RNF157: variants seen among roughly 807,000 people sequenced by gnomAD.
RNF157 encodes the protein ring finger protein 157, also known as E3 ubiquitin ligase RNF157.
RNF157 carries 55 observed loss-of-function variants against 88.3 expected under a neutral mutation model. The observed-to-expected ratio is 0.62, with a 90% CI of 0.50 to 0.78. RNF157 has a LOEUF of 0.78. RNF157 is among the 30% of genes least tolerant of loss of function. The probability of loss-of-function intolerance (pLI) is 0.00; values close to 1 mark genes in which losing one functional copy is unlikely to be tolerated. For missense variants in RNF157, 788 were observed against 860.8 expected (o/e 0.92, Z 1.06); for synonymous variants, 334 against 341.2 (o/e 0.98, Z 0.23).
rs540750995 is a variant in RNF157 at position 76,160,349 on chromosome 17, T to C, written c.1066-776A>G. Among the ~76,000 whole-genome samples the C allele has an allele frequency of 4.6e-5, 7 of 151,200 alleles. No individual in the cohort carries two copies. Among genetic ancestry groups the C allele is most frequent in the Non-Finnish European group, 7.4e-5 (5 of 67,936 alleles). ...ATGAGGTATAAATGTTTTTAAGGCC[T>C]TGATATATACTGCTGTTTTCTGCTG... On this transcript the variant is annotated intron_variant, in intron 11 of 18. Transcript: ENST00000269391. This position sits in a 1 kb window ranked among gnomAD's most constrained non-coding sequence, Gnocchi z 4.3.
In RNF157 at chr17:76,155,268, C is replaced by T. The variant is rs755672979; in HGVS notation, c.1748G>A (p.Gly583Glu). Reference protein sequence around the residue: ...PDSNFAGLPAGEQDAEGNDVI... With the variant: ...PDSNFAGLPAEEQDAEGNDVI... ...TGGGGTTACCTCTGCATCCTGCTCT[C>T]CAGCTGGGAGGCCAGCAAAGTTGCT... The change falls in exon 16 of 19, where the codon GGA becomes GAA. Residue 583 changes from glycine to glutamate, a missense_variant. Physicochemically the swap from Gly to Glu is moderately conservative, Grantham distance 98 (BLOSUM62 -2). Transcript: ENST00000269391. 4.3e-6 allele frequency: 7 copies of T among 1,614,108 alleles called. No individual in the cohort carries two copies. The highest frequency in any genetic ancestry group is 1.3e-5 in the African/African-American group (1 of 74,948).
chr17:76,240,105 C>G lies in RNF157; in HGVS notation c.88+48G>C, dbSNP rs2070353704. 2 of 1,162,244 alleles carry G rather than the reference C, an allele frequency of 1.7e-6. No homozygotes were observed. The highest frequency in any genetic ancestry group is 2.2e-6 in the Non-Finnish European group (2 of 913,288). The allele number at this position is 1,162,244 out of a possible 1,614,324, so 72.0% of individuals were successfully genotyped here. On this transcript the variant is annotated intron_variant, in intron 1 of 18. Coordinates refer to ENST00000269391, the MANE Select transcript of RNF157 (RefSeq NM_052916.3). The surrounding 1 kb of genome is among the most constrained non-coding windows in gnomAD (Gnocchi z 4.4). ...CAGGCCGTCCCGACCCAGACCCCTG[C>G]CCCTGCCCCTCTCCCTCCTCGCGGC...
intron 1 of RNF157, chr17:76,225,708 C>T (rs575228887): frequency 2.9e-6 from 4 of 1,395,940 alleles, no homozygotes; most frequent in East Asian, 4.8e-5. Context: ...CTACAGCAGA[C>T]ACTCTATGTA....
intron 3 of RNF157, among the ~76,000 whole-genome samples, chr17:76,170,962 G>A (rs1383739254): frequency 6.6e-6 from 1 of 152,002 alleles, no homozygotes; most frequent in Admixed American, 6.6e-5. Flanking sequence ...GCACAATCTC[G>A]CCTCACTGCA....
chr17:76,174,233 G>A (rs181304493), intron 2 of RNF157, among the ~76,000 whole-genome samples: 76 of 152,232 alleles, frequency 5.0e-4, no homozygotes, highest in African/African-American at 1.7e-3. Context: ...TTTAGGGACC[G>A]CAAATAAAAG....
chr17:76,173,969 G>A (rs1225853963), intron 2 of RNF157, among the ~76,000 whole-genome samples, 179 bp from the exon 3 acceptor site: 1 of 152,114 alleles, frequency 6.6e-6, no homozygotes, highest in Admixed American at 6.5e-5. Flanking sequence ...GTCACAGCTA[G>A]CGGGAAAACT....
intron 18 of RNF157, among the ~76,000 whole-genome samples, chr17:76,150,807 C>T (rs1026736444): frequency 3.3e-5 from 5 of 152,232 alleles, no homozygotes; most frequent in African/African-American, 1.2e-4. Context: ...GAATGGGAGC[C>T]TTGCTCACAG....
rs529791313 is a variant in RNF157, at chr17:76,145,221, G to A, written c.*14C>T. 23 of 1,536,408 alleles carry A rather than the reference G, an allele frequency of 1.5e-5. No homozygotes were observed. In the East Asian group the frequency reaches 4.5e-4, roughly 30 times the overall value. ...TGCAGGGCAGGAGGGGAGCCCAAGT[G>A]CAGAGGCTGGGGCTCAGACAGCCAA... is the stretch of plus-strand genomic sequence containing the variant. On this transcript the variant is annotated 3_prime_UTR_variant, in exon 19 of 19. Coordinates refer to ENST00000269391, the MANE Select transcript of RNF157 (RefSeq NM_052916.3).
chr17:76,182,132 G>C (rs928008662), intron 2 of RNF157, among the ~76,000 whole-genome samples: 5 of 152,216 alleles, frequency 3.3e-5, no homozygotes, highest in Middle Eastern at 3.4e-3. Flanking sequence ...CTGGGCTGCT[G>C]TGTCTGTCCT....
intron 2 of RNF157, among the ~76,000 whole-genome samples, chr17:76,181,282 G>A (rs2069184165): frequency 6.6e-6 from 1 of 152,186 alleles, no homozygotes; most frequent in South Asian, 2.1e-4. Context: ...CTGGAAGCTA[G>A]CCAAAAATCT....
chr17:76,166,550 GA>G (rs552990657), intron 5 of RNF157, 23 bp from the exon 6 acceptor site: 72 of 1,568,044 alleles, frequency 4.6e-5, no homozygotes, highest in Middle Eastern at 1.7e-4. Context: ...AAAAGGAAAG[GA>G]AAAAAAAAGA....
In RNF157 at chr17:76,240,055, T is replaced by C. The variant is rs555395889; in HGVS notation, c.88+98A>G. ...TTTCGGAGCGTCCGCAACCACTGAG[T>C]CCCCGAAGACCCGCGGGGCCCCCTC... On this transcript the variant is annotated intron_variant, in intron 1 of 18. Transcript: ENST00000269391. This position sits in a 1 kb window ranked among gnomAD's most constrained non-coding sequence, Gnocchi z 4.4. 1.8e-6 allele frequency: 1 copy of C among 557,400 alleles called. No homozygotes were observed. Among genetic ancestry groups the C allele is most frequent in the Non-Finnish European group, 2.5e-6 (1 of 393,076 alleles). 34.5% of individuals were successfully genotyped at this position (557,400 alleles called of 1,614,324 possible).
At chr17:76,236,321 T>C (rs571923029) in intron 1 of RNF157, among the ~76,000 whole-genome samples, 2 of 152,340 alleles carry the variant, frequency 1.3e-5, no homozygotes, top group East Asian at 3.9e-4. Flanking sequence ...GCCTATTTCT[T>C]CCTGGATAGA....
Position 76,161,718 on chromosome 17 carries a change from A to C in RNF157, c.953-71T>G. 6.5e-7 allele frequency: 1 copy of C among 1,535,440 alleles called. No homozygotes were observed. The highest frequency in any genetic ancestry group is 1.2e-5 in the South Asian group (1 of 86,722). ...AAGAATGAACAAGAGCCCAGACAGA[A>C]ACCATGATCCCTCCCAGCGCGCATC... On this transcript the variant is annotated intron_variant, in intron 10 of 18. Coordinates refer to ENST00000269391, the MANE Select transcript of RNF157 (RefSeq NM_052916.3). This position sits in a 1 kb window ranked among gnomAD's most constrained non-coding sequence, Gnocchi z 4.6.
At chr17:76,189,044 T>G (rs370435455) in intron 2 of RNF157, among the ~76,000 whole-genome samples, 2 of 152,054 alleles carry the variant, frequency 1.3e-5, no homozygotes, top group Non-Finnish European at 1.5e-5. Context: ...TTCAAGGTCA[T>G]GAAGAACAAG....
intron 13 of RNF157, chr17:76,156,566 C>G: frequency 1.0e-6 from 1 of 981,066 alleles, no homozygotes; most frequent in Non-Finnish European, 1.2e-6. Flanking sequence ...ACAGCATCTG[C>G]TGCGGCCATA....
chr17:76,239,970 A>T (rs1328551703), intron 1 of RNF157, among the ~76,000 whole-genome samples, 183 bp downstream of exon 1: 1 of 152,086 alleles, frequency 6.6e-6, no homozygotes, highest in Non-Finnish European at 1.5e-5. Flanking sequence ...CCCTTGGGCT[A>T]ATTCGCCCGG....
intron 1 of RNF157, among the ~76,000 whole-genome samples, chr17:76,222,062 T>C (rs2069993012): frequency 6.6e-6 from 1 of 152,176 alleles, no homozygotes; most frequent in South Asian, 2.1e-4. Context: ...TTTGAGGTGA[T>C]AAAAATGTTC....
intron 1 of RNF157, among the ~76,000 whole-genome samples, chr17:76,238,062 C>T (rs886135383): frequency 6.8e-6 from 1 of 146,278 alleles, no homozygotes; most frequent in Non-Finnish European, 1.5e-5. Context: ...CCAGCCTGGG[C>T]GTGACAGAGA....
Sources: allele counts gnomAD v4.1 joint callset (sites outside exome capture counted in the v4.1 genomes callset), GRCh38; gene constraint gnomAD v4.1.1; non-coding constraint Gnocchi (gnomAD v3.1); transcripts MANE v1.5; gene names NCBI Gene and HGNC (gene_info 2026-07-23, HGNC 2026-07-21).